FRYL: variants seen among roughly 807,000 people sequenced by gnomAD.
FRYL encodes protein furry homolog-like.
Under a neutral mutation model 351.2 loss-of-function variants are expected in FRYL, and 150 were observed. The observed-to-expected ratio is 0.43, with a 90% CI of 0.37 to 0.49. The LOEUF is 0.49. FRYL is among the 20% of genes least tolerant of loss of function. The probability of loss-of-function intolerance (pLI) is 0.00; values close to 1 mark genes in which losing one functional copy is unlikely to be tolerated. For synonymous variants in FRYL, 1,153 were observed against 1,257.1 expected (o/e 0.92, Z 1.75); for missense variants, 3,036 against 3,619.3 (o/e 0.84, Z 4.13).
At chr4:48,528,505 A>G (rs1456663250) in intron 50 of FRYL, among the ~76,000 whole-genome samples, 169 bp from the exon 51 acceptor site, 3 of 152,140 alleles carry the variant, frequency 2.0e-5, no homozygotes, top group African/African-American at 7.2e-5. Context: ...AATGATATAT[A>G]TATATTTTTA....
chr4:48,738,923 G>A (rs1553877710), intron 1 of FRYL, among the ~76,000 whole-genome samples: 1 of 152,024 alleles, frequency 6.6e-6, no homozygotes, highest in Non-Finnish European at 1.5e-5. Context: ...TGATTCCAAA[G>A]TTTATGTGGA....
chr4:48,597,893 T>G (rs1423989859), intron 13 of FRYL, among the ~76,000 whole-genome samples: 1 of 152,216 alleles, frequency 6.6e-6, no homozygotes, highest in Non-Finnish European at 1.5e-5. Context: ...AATGCTGCTA[T>G]ATGTCTGAAT....
chr4:48,776,201 T>C (rs972203775), intron 1 of FRYL, among the ~76,000 whole-genome samples: 3 of 151,380 alleles, frequency 2.0e-5, no homozygotes, highest in African/African-American at 4.8e-5. Flanking sequence ...TTGCCCATAC[T>C]GCTCTTTAAC....
At chr4:48,696,736 A>T (rs1454180224) in intron 2 of FRYL, among the ~76,000 whole-genome samples, 1 of 151,958 alleles carries the variant, frequency 6.6e-6, no homozygotes, top group Non-Finnish European at 1.5e-5. Flanking sequence ...ACTAACTTTT[A>T]GTTTCAATGG....
At chr4:48,682,842 T>C (rs1764765485) in intron 3 of FRYL, among the ~76,000 whole-genome samples, 1 of 152,188 alleles carries the variant, frequency 6.6e-6, no homozygotes, top group South Asian at 2.1e-4. Context: ...AGTTCAACCA[T>C]TGTGGAAGAC....
chr4:48,700,557 T>C (rs1766616120), intron 2 of FRYL, among the ~76,000 whole-genome samples: 2 of 152,092 alleles, frequency 1.3e-5, no homozygotes, highest in African/African-American at 4.8e-5. Context: ...ATCCCAGTAC[T>C]TGGGGAGGCT....
At chr4:48,503,428 C>A (rs1338377278) in intron 60 of FRYL, among the ~76,000 whole-genome samples, 1 of 152,186 alleles carries the variant, frequency 6.6e-6, no homozygotes, top group Non-Finnish European at 1.5e-5. Context: ...AAAGCAGATG[C>A]ATGTTCTAAA....
intron 4 of FRYL, among the ~76,000 whole-genome samples, chr4:48,629,072 T>A (rs1752454703): frequency 6.6e-6 from 1 of 150,552 alleles, no homozygotes; most frequent in Non-Finnish European, 1.5e-5. Context: ...ATAGTGTTAT[T>A]TTCATAATAC....
At chr4:48,688,379 C>T (rs1432191544) in intron 2 of FRYL, among the ~76,000 whole-genome samples, 3 of 152,148 alleles carry the variant, frequency 2.0e-5, no homozygotes, top group Non-Finnish European at 4.4e-5. Context: ...CTTCTTTAAT[C>T]TGCCAAAGAT....
At chr4:48,595,818 G>C (rs1228402053) in intron 14 of FRYL, 79 bp downstream of exon 14, 2 of 1,141,450 alleles carry the variant, frequency 1.8e-6, no homozygotes, top group African/African-American at 3.2e-5. Context: ...AAAGTATAAT[G>C]TTTACTAAAA....
chr4:48,639,168 C>A (rs1401389025), intron 3 of FRYL, among the ~76,000 whole-genome samples: 2 of 151,782 alleles, frequency 1.3e-5, no homozygotes, highest in Non-Finnish European at 2.9e-5. Flanking sequence ...CAGGTCTACC[C>A]CCCAAGTTAA....
At chr4:48,613,739 T>C (rs1457240388) in intron 7 of FRYL, among the ~76,000 whole-genome samples, 9 of 152,194 alleles carry the variant, frequency 5.9e-5, no homozygotes, top group Admixed American at 2.0e-4. Flanking sequence ...GTGGATCATC[T>C]GAGGTCAGGA....
At chr4:48,506,611 AACTAATATAT>A (rs1720992660) in intron 59 of FRYL, 1 of 108,354 alleles carries the variant, frequency 9.2e-6, no homozygotes, top group African/African-American at 3.6e-5. Context: ...TAAACAATAC[AACTAATATAT>A]ATATATATAT....
chr4:48,621,948 T>C (rs762596423), intron 5 of FRYL, among the ~76,000 whole-genome samples: 1 of 152,184 alleles, frequency 6.6e-6, no homozygotes, highest in Non-Finnish European at 1.5e-5. Flanking sequence ...TATTTAACCA[T>C]ACTTTTAAAA....
At chr4:48,601,165 C>T (rs1300324103) in intron 13 of FRYL, among the ~76,000 whole-genome samples, 2 of 152,134 alleles carry the variant, frequency 1.3e-5, no homozygotes, top group Non-Finnish European at 2.9e-5. Flanking sequence ...TCTCTATCTG[C>T]CTCGGTTCCA....
intron 1 of FRYL, among the ~76,000 whole-genome samples, chr4:48,721,793 A>G (rs1329869135): frequency 1.3e-5 from 2 of 152,066 alleles, no homozygotes; most frequent in Non-Finnish European, 1.5e-5. Context: ...GGCACCCGCC[A>G]CCACACCCGG....
intron 59 of FRYL, among the ~76,000 whole-genome samples, chr4:48,507,719 A>T (rs144307235): frequency 8.1e-6 from 1 of 124,082 alleles, no homozygotes; most frequent in East Asian, 2.4e-4. Context: ...GATAGATGAT[A>T]GATAGATAGA....
chr4:48,650,022 T>C (rs1013494244), intron 3 of FRYL, among the ~76,000 whole-genome samples: 1 of 152,160 alleles, frequency 6.6e-6, no homozygotes, highest in African/African-American at 2.4e-5. Flanking sequence ...TTGAAATATA[T>C]AATTTATTTA....
At chr4:48,554,427 C>A (rs1733617420) in intron 35 of FRYL, among the ~76,000 whole-genome samples, 1 of 152,080 alleles carries the variant, frequency 6.6e-6, no homozygotes, top group Admixed American at 6.5e-5. Context: ...CCACCTCTGC[C>A]TCCCCGGTTC....
Sources: gnomAD v4.1 joint callset for allele counts (sites outside exome capture counted in the v4.1 genomes callset) on GRCh38, gnomAD v4.1.1 for gene constraint, MANE v1.5 for transcripts, NCBI Gene and HGNC (gene_info 2026-07-23, HGNC 2026-07-21) for gene names.